WDR90: variants seen among roughly 807,000 people sequenced by gnomAD.
WDR90 encodes WD repeat domain 90.
Under a neutral mutation model 195.2 loss-of-function variants are expected in WDR90, and 238 were observed. The observed-to-expected ratio is 1.22, with a 90% confidence interval of 1.10 to 1.36. WDR90 has a LOEUF of 1.36. WDR90 is among the 40% of genes most tolerant of loss of function. The pLI is 0.00. For synonymous variants in WDR90, 1,265 were observed against 1,052.4 expected, an observed-to-expected ratio of 1.20 and a Z score of -3.91; for missense variants, 2,734 against 2,439.5, an observed-to-expected ratio of 1.12 and a Z score of -2.54.
chr16:666,948 G>T lies in WDR90; in HGVS notation c.5048G>T (p.Ser1683Ile), dbSNP rs1224205305. The change falls in exon 40 of 41, where the codon AGC becomes ATC. Residue 1683 changes from serine (S) to isoleucine (I), a missense_variant. Physicochemically the swap from Ser to Ile is moderately radical, Grantham distance 142. Transcript: ENST00000293879. ...IPLPFFAMSL[S>I]LSPGTHLLAV... Reference sequence around the variant, plus strand: ...CTGCCCTTTTTTGCCATGTCCCTGAGCCTGTCCCCCGGGACCCACCTCCTG... The same window carrying T: ...CTGCCCTTTTTTGCCATGTCCCTGATCCTGTCCCCCGGGACCCACCTCCTG... 6.2e-7 allele frequency: 1 copy of T among 1,612,434 alleles called. No homozygotes were observed. Among genetic ancestry groups the T allele is most frequent in the African/African-American group, 1.3e-5 (1 of 75,000 alleles).
At chr16:664,155 T>G (rs4984911) in intron 34 of WDR90, among the ~76,000 whole-genome samples, 64 of 151,788 alleles carry the variant, frequency 4.2e-4, no homozygotes, top group Admixed American at 6.6e-4. Flanking sequence ...GGGTGGCTTT[T>G]GGCATATTCA....
intron 27 of WDR90, 39 bp from the exon 28 acceptor site, chr16:660,573 T>TGCTGGGCCCCAGCA: frequency 6.5e-7 from 1 of 1,545,680 alleles, no homozygotes; most frequent in Non-Finnish European, 8.7e-7. Flanking sequence ...CAGGTGGCCA[T>TGCTGGGCCCCAGCA]GCTGGGCCCC....
rs759956773 is a variant in WDR90 at position 658,174 on chromosome 16, T to A, written c.2605-9T>A. 2.5e-6 allele frequency: 4 copies of A among 1,605,178 alleles called. No individual in the cohort carries two copies. The African/African-American group carries it at 5.3e-5, about 21-fold the overall frequency. On this transcript the variant is annotated splice_polypyrimidine_tract_variant and intron_variant, in intron 21 of 40. Transcript: ENST00000293879. Reference sequence around the variant, plus strand: ...GCCCTGACTGTCGGCCACTTACCACTACCCCCAGCTGCTGCGAGTTGACAT... The same window carrying A: ...GCCCTGACTGTCGGCCACTTACCACAACCCCCAGCTGCTGCGAGTTGACAT...
At position 660,284 on chromosome 16, in the gene WDR90, C is replaced by T. The variant is rs760624207; in HGVS notation, c.3288+123C>T. On this transcript the variant is annotated intron_variant, in intron 27 of 40. Transcript: ENST00000293879. ...AAAGGTGATGGCTCTGGCCCTTGGG[C>T]GCCTGTCCCCTGGAGGCAACTTCAT... 63 of 915,894 alleles carry T rather than the reference C, an allele frequency of 6.9e-5. No homozygotes were observed. In the Admixed American group the frequency reaches 1.1e-3, roughly 16 times the overall value. The allele number at this position is 915,894 out of a possible 1,614,324, so 56.7% of individuals were successfully genotyped here. A position where few individuals can be genotyped will look rare whatever the true frequency, so the allele number is the denominator to read the frequency against.
At chr16:658,802 C>T (rs1383787751) in intron 23 of WDR90, 94 bp from the exon 24 acceptor site, 1 of 1,568,596 alleles carries the variant, frequency 6.4e-7, no homozygotes, top group Non-Finnish European at 8.7e-7. Flanking sequence ...TCCGGGGCCT[C>T]ACACTGTGTG....
Position 652,548 on chromosome 16 carries a change from C to A in WDR90, c.1122+13C>A. On this transcript the variant is annotated intron_variant, in intron 10 of 40. Coordinates refer to ENST00000293879, the MANE Select transcript of WDR90 (RefSeq NM_145294.5). ...CGGCACCAGACAGGTGAGGCTCCTG[C>A]GGCTGTGTCCAGAGCAGCTCTCGTT... 3 of 1,601,756 alleles carry A rather than the reference C, an allele frequency of 1.9e-6. No individual in the cohort carries two copies. The highest frequency in any genetic ancestry group is 1.1e-5 in the South Asian group (1 of 89,798).
Position 650,146 on chromosome 16 carries a change from C to T in WDR90, c.258C>T (p.Ile86=). The change falls in exon 3 of 41, where the codon ATC becomes ATT. Residue 86 remains isoleucine, a synonymous_variant. Coordinates refer to ENST00000293879, the MANE Select transcript of WDR90 (RefSeq NM_145294.5). ...CCCTGCCCAGCAAGCACTTCGTCAT[C>T]CACCTCGATGTGTCCTCCAAGGTAC... is the stretch of plus-strand genomic sequence containing the variant. ...FRPLPSKHFV[I]HLDVSSKDNQ... The T allele has an allele frequency of 1.2e-6, 2 of 1,613,076 alleles. No individual in the cohort carries two copies. The highest frequency in any genetic ancestry group is 2.2e-5 in the South Asian group (2 of 91,090).
intron 13 of WDR90, chr16:654,599 G>A (rs760266791): frequency 4.0e-4 from 65 of 163,396 alleles, no homozygotes; most frequent in Admixed American, 7.6e-4. Flanking sequence ...TGTTAGCCAG[G>A]ATGGTCTCAC....
intron 40 of WDR90, 147 bp downstream of exon 40, chr16:667,136 C>T (rs997054363): frequency 6.4e-6 from 6 of 932,034 alleles, no homozygotes. Flanking sequence ...AGAGAGGGTC[C>T]TGGAGTCAGG....
Position 666,700 on chromosome 16 carries a change from G to A in WDR90, c.4912G>A (p.Ala1638Thr), listed in dbSNP as rs767234281. The A allele has an allele frequency of 5.6e-6, 9 of 1,612,646 alleles. No individual in the cohort carries two copies. Among genetic ancestry groups the A allele is most frequent in the Middle Eastern group, 1.6e-4 (1 of 6,084 alleles). Residue 1638 changes from alanine to threonine, a missense_variant, in exon 39 of 41, where the codon GCT (alanine) becomes ACT (threonine). By Grantham distance (58) the Ala-to-Thr change is moderately conservative (BLOSUM62 0). Coordinates refer to ENST00000293879, the MANE Select transcript of WDR90 (RefSeq NM_145294.5). ...TCAGGGCCACCTGCCACCCTCCCTC[G>A]CTGCCTTCTGCCCTTGGGATGGGGC... Reference protein sequence around the residue: ...ETQGHLPPSLAAFCPWDGALL... With the variant: ...ETQGHLPPSLTAFCPWDGALL...
chr16:652,364 G>C (rs1372697062), intron 9 of WDR90, 103 bp from the exon 10 acceptor site: 7 of 1,367,544 alleles, frequency 5.1e-6, no homozygotes, highest in African/African-American at 1.5e-5. Flanking sequence ...CAGTCTTCTT[G>C]AGAGGCAGGA....
intron 40 of WDR90, 106 bp from the exon 41 acceptor site, chr16:667,326 C>A: frequency 2.8e-6 from 4 of 1,444,762 alleles, no homozygotes; most frequent in South Asian, 1.4e-5. Context: ...AGCACCAGCT[C>A]CCCCGACCAG....
chr16:659,566 CGGTG>C (rs2037848461), intron 26 of WDR90, among the ~76,000 whole-genome samples, 190 bp downstream of exon 26: 1 of 152,136 alleles, frequency 6.6e-6, no homozygotes, highest in Admixed American at 6.5e-5. Context: ...AGGTGGAACA[CGGTG>C]GGGTCGGGAT....
chr16:649,773 C>T lies in WDR90; in HGVS notation c.21C>T (p.His7=). The T allele has an allele frequency of 3.2e-6, 5 of 1,561,790 alleles. No individual in the cohort carries two copies. The South Asian group carries it at 4.7e-5, about 15-fold the overall frequency. The change falls in exon 2 of 41, where the codon CAC becomes CAT. Residue 7 remains histidine, a synonymous_variant. Transcript: ENST00000293879. MARAWQ[H]PFLNVFRHFR... is the part of the protein sequence containing the mutation. ...GCCCGCTCCCCGCAGCGTGGCAGCACCCGTTCCTCAACGTCTTCAGACACT... is the reference window on the plus strand; with the variant it reads ...GCCCGCTCCCCGCAGCGTGGCAGCATCCGTTCCTCAACGTCTTCAGACACT...
At chr16:666,851 G>A in intron 39 of WDR90, 54 bp from the exon 40 acceptor site, 1 of 1,612,904 alleles carries the variant, frequency 6.2e-7, no homozygotes, top group African/African-American at 1.3e-5. Context: ...GGTGGGTGGG[G>A]CCTGGCTGAG....
At chr16:661,199 C>T (rs2037905085) in intron 29 of WDR90, 27 bp downstream of exon 29, 5 of 1,523,190 alleles carry the variant, frequency 3.3e-6, no homozygotes, top group African/African-American at 2.8e-5. Flanking sequence ...CCCTCCTCCT[C>T]TCCCAGGGCC....
At chr16:664,354 G>C (rs1465317411) in intron 34 of WDR90, among the ~76,000 whole-genome samples, 1 of 152,182 alleles carries the variant, frequency 6.6e-6, no homozygotes, top group South Asian at 2.1e-4. Context: ...GGTTTCCAGG[G>C]TCATCCCAGC....
intron 30 of WDR90, 44 bp from the exon 31 acceptor site, chr16:661,553 G>A (rs917929184): frequency 6.3e-7 from 1 of 1,577,268 alleles, no homozygotes; most frequent in Non-Finnish European, 8.6e-7. Flanking sequence ...CCCGGGGGGG[G>A]CTGCATCTGT....
At position 657,104 on chromosome 16, in the gene WDR90, G is replaced by GCTGT; in HGVS notation, c.2358_2361dup (p.Thr788CysfsTer9). ...TGTGTGCTGCAGGTGCCACCGAGGA[G>GCTGT]CTGTCACCGGCCTGACCGCCACCCC... On this transcript the variant is annotated frameshift_variant, in exon 20 of 41. Coordinates refer to ENST00000293879, the MANE Select transcript of WDR90 (RefSeq NM_145294.5). LOFTEE classifies it high-confidence loss of function. The GCTGT allele has an allele frequency of 6.3e-7, 1 of 1,594,302 alleles. No individual in the cohort carries two copies.
Sources: allele counts gnomAD v4.1 joint callset (sites outside exome capture counted in the v4.1 genomes callset), GRCh38; gene constraint gnomAD v4.1.1; transcripts MANE v1.5; gene names NCBI Gene and HGNC (gene_info 2026-07-23, HGNC 2026-07-21).